SPATA7: variants seen among roughly 807,000 people sequenced by gnomAD.
The protein encoded by SPATA7 is spermatogenesis-associated protein 7.
SPATA7 carries 43 observed loss-of-function variants against 51.8 expected under a neutral mutation model. The ratio of observed to expected loss-of-function variants is 0.83; its 90% confidence interval spans 0.65 to 1.07. SPATA7 has a LOEUF of 1.07. Ranked by LOEUF, SPATA7 falls within the 50% of genes least tolerant of loss-of-function variation. SPATA7 has a pLI of 0.00. For synonymous variants in SPATA7, 230 were observed against 252.8 expected, an observed-to-expected ratio of 0.91 and a Z score of 0.86; for missense variants, 683 against 701.3, an observed-to-expected ratio of 0.97 and a Z score of 0.30.
chr14:88,434,676 A>G (rs1169972215), intron 10 of SPATA7, among the ~76,000 whole-genome samples: 1 of 149,090 alleles, frequency 6.7e-6, no homozygotes, highest in African/African-American at 2.5e-5. Flanking sequence ...ACAGAGTGAG[A>G]CTCTGTCTCA....
chr14:88,424,986 G>C (rs2139991781), intron 5 of SPATA7, among the ~76,000 whole-genome samples: 1 of 152,158 alleles, frequency 6.6e-6, no homozygotes, highest in East Asian at 1.9e-4. Context: ...AATTTTTTAT[G>C]CTGTAAAAAA....
chr14:88,450,827 A>G (rs1377954250), intron 3 of SPATA7, among the ~76,000 whole-genome samples: 1 of 152,162 alleles, frequency 6.6e-6, no homozygotes, highest in Non-Finnish European at 1.5e-5. Flanking sequence ...AACTTCTTGT[A>G]TGTGGATGTC....
intron 4 of SPATA7, among the ~76,000 whole-genome samples, chr14:88,398,579 T>C (rs2139893581): frequency 6.6e-6 from 1 of 151,536 alleles, no homozygotes; most frequent in African/African-American, 2.4e-5. Context: ...TGTATACATA[T>C]GTAACTAACC....
At chr14:88,459,448 GTTGAA>G (rs1419542898), downstream of SPATA7, among the ~76,000 whole-genome samples, 3 of 152,190 alleles carry the variant, frequency 2.0e-5, no homozygotes, top group Non-Finnish European at 4.4e-5. Flanking sequence ...AGCTCTTCTT[GTTGAA>G]TTGATCCCTT....
At chr14:88,391,212 T>C (rs73319883) in intron 1 of SPATA7, among the ~76,000 whole-genome samples, 169 bp from the exon 2 acceptor site, 5,366 of 152,308 alleles carry the variant, frequency 0.035, 308 homozygotes, top group African/African-American at 0.12. Flanking sequence ...CATTTAATGC[T>C]GTAACTCAGA....
At chr14:88,447,046 T>A (rs1328107172) in intron 3 of SPATA7, among the ~76,000 whole-genome samples, 1 of 152,100 alleles carries the variant, frequency 6.6e-6, no homozygotes, top group East Asian at 1.9e-4. Context: ...CCTTGTTGAC[T>A]TTCTGTCTCG....
downstream of SPATA7, among the ~76,000 whole-genome samples, chr14:88,442,124 T>A (rs1332333637): frequency 6.6e-6 from 1 of 152,190 alleles, no homozygotes; most frequent in Non-Finnish European, 1.5e-5. Context: ...ACTGCAAATA[T>A]GTGGCTACAT....
Position 88,391,365 on chromosome 14 carries a change from T to C in SPATA7, c.20-16T>C, listed in dbSNP as rs2075740310. ...TTCATTTATCCTAATTTATGATTTT[T>C]TTTTCTTGTTAAAAGTCAGAGCAAC... On this transcript the variant is annotated splice_polypyrimidine_tract_variant and intron_variant, in intron 1 of 11. Transcript: ENST00000393545. 3.1e-6 allele frequency: 5 copies of C among 1,605,380 alleles called. No homozygotes were observed. Among genetic ancestry groups the C allele is most frequent in the Non-Finnish European group, 4.3e-6 (5 of 1,174,002 alleles).
In SPATA7 at chr14:88,385,713, C is replaced by A. The variant is rs984288203; in HGVS notation, c.-106C>A. 8 of 1,103,490 alleles carry A rather than the reference C, an allele frequency of 7.2e-6. No homozygotes were observed. The highest frequency in any genetic ancestry group is 2.6e-5 in the South Asian group (2 of 75,636). The allele number at this position is 1,103,490 out of a possible 1,614,324, so 68.4% of individuals were successfully genotyped here. ...ACGGTTTCCCTGCTGCTGCAGCCCC[C>A]GTCGGCTCCTCTTTTCCAGTCCTCC... On this transcript the variant is annotated 5_prime_UTR_variant, in exon 1 of 12. Coordinates refer to ENST00000393545, the MANE Select transcript of SPATA7 (RefSeq NM_018418.5).
At chr14:88,462,073 C>T (rs2077321266) in intron 4 of SPATA7, among the ~76,000 whole-genome samples, 1 of 152,146 alleles carries the variant, frequency 6.6e-6, no homozygotes, top group African/African-American at 2.4e-5. Flanking sequence ...CCTTTCAGGA[C>T]ACTTAACTCT....
intron 4 of SPATA7, among the ~76,000 whole-genome samples, chr14:88,464,307 C>A (rs539311837): frequency 6.6e-6 from 1 of 152,196 alleles, no homozygotes; most frequent in East Asian, 1.9e-4. Flanking sequence ...AAGAAAGCAC[C>A]CTGCAATTTA....
At chr14:88,429,970 G>A (rs894773690) in intron 8 of SPATA7, among the ~76,000 whole-genome samples, 1 of 151,478 alleles carries the variant, frequency 6.6e-6, no homozygotes, top group Non-Finnish European at 1.5e-5. Context: ...CAGTGGTGCG[G>A]TCTCAGCTCA....
chr14:88,425,140 T>C (rs1469102062), intron 5 of SPATA7, among the ~76,000 whole-genome samples: 2 of 152,164 alleles, frequency 1.3e-5, no homozygotes, highest in Non-Finnish European at 2.9e-5. Context: ...GGGTAATAAT[T>C]GTACTACCTC....
chr14:88,427,162 C>T (rs1307504682), intron 6 of SPATA7, among the ~76,000 whole-genome samples: 1 of 152,088 alleles, frequency 6.6e-6, no homozygotes, highest in Non-Finnish European at 1.5e-5. Flanking sequence ...CAACAACTGC[C>T]AAGAATAATT....
chr14:88,413,283 G>A (rs965816319), intron 4 of SPATA7, among the ~76,000 whole-genome samples: 3 of 151,856 alleles, frequency 2.0e-5, no homozygotes, highest in Non-Finnish European at 4.4e-5. Context: ...ATTTTCCTAG[G>A]TATTTTATTT....
chr14:88,411,496 G>A (rs991090112), intron 4 of SPATA7, among the ~76,000 whole-genome samples: 1 of 152,130 alleles, frequency 6.6e-6, no homozygotes, highest in Non-Finnish European at 1.5e-5. Context: ...GGGCCTTGGT[G>A]GTGTAGGCAC....
At chr14:88,411,763 A>G (rs1211227839) in intron 4 of SPATA7, among the ~76,000 whole-genome samples, 1 of 152,088 alleles carries the variant, frequency 6.6e-6, no homozygotes, top group Non-Finnish European at 1.5e-5. Flanking sequence ...CCATTAATGG[A>G]CACCCAGGTT....
intron 3 of SPATA7, among the ~76,000 whole-genome samples, chr14:88,452,866 C>T (rs761096011): frequency 5.9e-5 from 9 of 152,150 alleles, no homozygotes; most frequent in South Asian, 2.1e-4. Flanking sequence ...CCATCCTCTC[C>T]GAAGCACCCT....
intron 4 of SPATA7, among the ~76,000 whole-genome samples, chr14:88,461,072 T>G (rs986557490): frequency 1.3e-5 from 2 of 152,176 alleles, no homozygotes; most frequent in African/African-American, 4.8e-5. Context: ...CTCTGGAAGC[T>G]TCATCTCAGA....
Sources: gnomAD v4.1 joint callset for allele counts (sites outside exome capture counted in the v4.1 genomes callset) on GRCh38, gnomAD v4.1.1 for gene constraint, MANE v1.5 for transcripts, NCBI Gene and HGNC (gene_info 2026-07-23, HGNC 2026-07-21) for gene names.